Variants in CNOT2 observed in about 807,000 individuals in gnomAD.
CNOT2 encodes the protein CC chemokine receptor 4-negative regulator of transcription 2.
In CNOT2, 7 loss-of-function variants were observed where a neutral mutation model predicts 72.1. The observed-to-expected ratio is 0.10, with a 90% confidence interval of 0.06 to 0.18. CNOT2 has a LOEUF of 0.18. Among genes scored for constraint, CNOT2 ranks in the 10% least tolerant of loss-of-function variants. The pLI, the probability that CNOT2 is intolerant of heterozygous loss-of-function variation, is 1.00. For missense variants in CNOT2, 345 were observed against 660.3 expected (o/e 0.52, Z 5.23); for synonymous variants, 196 against 225.6 (o/e 0.87, Z 1.17).
intron 1 of CNOT2, among the ~76,000 whole-genome samples, chr12:70,269,170 T>G (rs1286009453): frequency 3.3e-5 from 5 of 152,140 alleles, no homozygotes; most frequent in Non-Finnish European, 5.9e-5. Flanking sequence ...TTTCTCTCAC[T>G]CTGTCACTAA....
intron 7 of CNOT2, 94 bp from the exon 8 acceptor site, chr12:70,335,344 G>T: frequency 1.1e-6 from 1 of 893,896 alleles, no homozygotes; most frequent in Non-Finnish European, 1.8e-6. Flanking sequence ...TAGGAAGAAG[G>T]CGCAATCATT....
chr12:70,258,367 T>C (rs1413248464), intron 1 of CNOT2, among the ~76,000 whole-genome samples: 1 of 152,168 alleles, frequency 6.6e-6, no homozygotes. Flanking sequence ...ACACTGAAAA[T>C]GTAGGTTAAG....
At chr12:70,308,584 T>TCTCTCTCTCTCACACA (rs550679130) in intron 2 of CNOT2, among the ~76,000 whole-genome samples, 10 of 133,240 alleles carry the variant, frequency 7.5e-5, no homozygotes, top group African/African-American at 2.8e-4. Context: ...TCTCTCTCTC[T>TCTCTCTCTCTCACACA]CACACACACA....
chr12:70,284,983 C>T (rs532852412), intron 2 of CNOT2, among the ~76,000 whole-genome samples: 72 of 152,136 alleles, frequency 4.7e-4, no homozygotes, highest in African/African-American at 1.6e-3. Flanking sequence ...TAGTAGCACC[C>T]CTGTGTGTTC....
rs551112498 is a variant in CNOT2, at chr12:70,261,027, C to G, written c.-95-17105C>G. 1.3e-4 allele frequency among the ~76,000 whole-genome samples: 19 copies of G among 151,444 alleles called. No individual in the cohort carries two copies. In the East Asian group the frequency reaches 3.5e-3, roughly 28 times the overall value. On this transcript the variant is annotated intron_variant, in intron 1 of 15. Coordinates refer to ENST00000229195, the MANE Select transcript of CNOT2 (RefSeq NM_014515.7). Reference sequence around the variant, plus strand: ...TTTTTGTTTTTTTTTCCATGGATACCTTTTATCAGTTTGAGGATGTTCCTT... The same window carrying G: ...TTTTTGTTTTTTTTTCCATGGATACGTTTTATCAGTTTGAGGATGTTCCTT...
intron 1 of CNOT2, among the ~76,000 whole-genome samples, chr12:70,256,252 T>C (rs1345455789): frequency 6.6e-6 from 1 of 152,150 alleles, no homozygotes; most frequent in Non-Finnish European, 1.5e-5. Flanking sequence ...CTTAATACTA[T>C]TTCAAAATAG....
intron 2 of CNOT2, among the ~76,000 whole-genome samples, chr12:70,289,548 C>T (rs1441929385): frequency 6.6e-6 from 1 of 151,938 alleles, no homozygotes; most frequent in Non-Finnish European, 1.5e-5. Flanking sequence ...TCTTCACTGT[C>T]CTTTGAGGAC....
intron 1 of CNOT2, among the ~76,000 whole-genome samples, chr12:70,252,748 C>T (rs1345191088): frequency 1.3e-5 from 2 of 152,048 alleles, no homozygotes; most frequent in Non-Finnish European, 2.9e-5. Flanking sequence ...TCAGTTTTCT[C>T]ATTTGAAAAA....
At chr12:70,294,754 G>C (rs1040857047) in intron 2 of CNOT2, among the ~76,000 whole-genome samples, 1 of 152,166 alleles carries the variant, frequency 6.6e-6, no homozygotes, top group African/African-American at 2.4e-5. Context: ...TATTAGGCAG[G>C]TAGCTATGTT....
At chr12:70,335,643 C>T in intron 8 of CNOT2, 80 bp downstream of exon 8, 1 of 1,058,004 alleles carries the variant, frequency 9.5e-7, no homozygotes, top group East Asian at 2.4e-5. Context: ...TGTACGTATA[C>T]ATATGCTTGT....
chr12:70,327,032 A>T (rs367624720), intron 4 of CNOT2, among the ~76,000 whole-genome samples: 2 of 151,866 alleles, frequency 1.3e-5, no homozygotes, highest in East Asian at 3.9e-4. Context: ...TTTCTAAAAT[A>T]TTCCTGAAAT....
intron 11 of CNOT2, among the ~76,000 whole-genome samples, chr12:70,339,044 GTGTGT>G (rs1881102712): frequency 6.8e-6 from 1 of 146,812 alleles, no homozygotes; most frequent in African/African-American, 2.6e-5. Flanking sequence ...GTGTGTGTGT[GTGTGT>G]GCATGTGCAT....
intron 7 of CNOT2, 76 bp downstream of exon 7, chr12:70,332,922 G>C (rs1289294409): frequency 1.4e-6 from 2 of 1,435,832 alleles, no homozygotes; most frequent in Non-Finnish European, 1.8e-6. Flanking sequence ...CAACATACTG[G>C]TCTTTAAATA....
chr12:70,260,278 C>A (rs75941684), intron 1 of CNOT2, among the ~76,000 whole-genome samples: 11,793 of 151,706 alleles, frequency 0.078, 573 homozygotes, highest in Admixed American at 0.15. Flanking sequence ...TTTTTTTAAT[C>A]AATTGAGTAC....
intron 3 of CNOT2, among the ~76,000 whole-genome samples, chr12:70,318,647 T>C (rs1341307117): frequency 1.3e-5 from 2 of 151,878 alleles, no homozygotes; most frequent in Non-Finnish European, 2.9e-5. Context: ...CCTTAAAATA[T>C]AATGAGTTGT....
intron 14 of CNOT2, 107 bp downstream of exon 14, chr12:70,344,335 C>T (rs1881892103): frequency 1.5e-6 from 1 of 665,796 alleles, no homozygotes; most frequent in South Asian, 2.0e-5. Context: ...ATTTCTCCAT[C>T]AAGAAATTTA....
intron 1 of CNOT2, among the ~76,000 whole-genome samples, chr12:70,267,564 A>G (rs77711064): frequency 0.096 from 14,543 of 152,280 alleles, 899 homozygotes; most frequent in Middle Eastern, 0.19. Flanking sequence ...TCTTGAACAC[A>G]TCTTTTTTGA....
At chr12:70,326,765 T>C (rs1312701287) in intron 4 of CNOT2, among the ~76,000 whole-genome samples, 1 of 151,908 alleles carries the variant, frequency 6.6e-6, no homozygotes, top group African/African-American at 2.4e-5. Context: ...TGAAGTGATA[T>C]ATTCTTTTTT....
Position 70,310,962 on chromosome 12 carries a change from A to G in CNOT2, c.116A>G (p.Asp39Gly). 1 of 1,605,802 alleles carries G rather than the reference A, an allele frequency of 6.2e-7. No homozygotes were observed. The highest frequency in any genetic ancestry group is 8.5e-7 in the Non-Finnish European group (1 of 1,172,786). Reference protein sequence around the residue: ...FVEGVDSDYHDENMYYSQSSM... With the variant: ...FVEGVDSDYHGENMYYSQSSM... ...GAGGGGGTCGACAGTGACTACCATGACGAAAACATGTACTACAGCCAGTCT... is the reference window on the plus strand; with the variant it reads ...GAGGGGGTCGACAGTGACTACCATGGCGAAAACATGTACTACAGCCAGTCT... The change falls in exon 3 of 16, where the codon GAC becomes GGC. Residue 39 changes from aspartate (D) to glycine (G), a missense_variant. This residue lies in a region of CNOT2 where 157 missense variants were observed against 235.3 expected (regional missense o/e 0.67). Transcript: ENST00000229195.
Sources: allele counts gnomAD v4.1 joint callset (sites outside exome capture counted in the v4.1 genomes callset), GRCh38; gene constraint gnomAD v4.1.1; regional missense constraint gnomAD v4.1.1; transcripts MANE v1.5; gene names NCBI Gene and HGNC (gene_info 2026-07-23, HGNC 2026-07-21).